PLXDC2: variants seen among roughly 807,000 people sequenced by gnomAD.
The protein encoded by PLXDC2 is plexin domain containing 2.
In PLXDC2, 40 loss-of-function variants were observed where a neutral mutation model predicts 68.9. That is an observed-to-expected ratio of 0.58 (90% confidence interval 0.45 to 0.76). The LOEUF is 0.76. PLXDC2 is among the 30% of genes least tolerant of loss of function. The pLI is 0.00. For synonymous variants in PLXDC2, 243 were observed against 234.2 expected (o/e 1.04, Z -0.34); for missense variants, 644 against 661.9 (o/e 0.97, Z 0.30).
chr10:20,270,994 GTGAGAAAA>G (rs1835932832), intron 13 of PLXDC2, among the ~76,000 whole-genome samples: 1 of 151,836 alleles, frequency 6.6e-6, no homozygotes, highest in Non-Finnish European at 1.5e-5. Context: ...AAACAATCAG[GTGAGAAAA>G]TATGGAACTA....
intron 2 of PLXDC2, among the ~76,000 whole-genome samples, chr10:20,011,326 A>T (rs1401632676): frequency 2.6e-5 from 4 of 152,134 alleles, no homozygotes; most frequent in Non-Finnish European, 5.9e-5. Flanking sequence ...GCACCCACAG[A>T]GGGACGGTAC....
intron 1 of PLXDC2, among the ~76,000 whole-genome samples, chr10:19,937,117 T>C (rs954884385): frequency 6.6e-6 from 1 of 152,204 alleles, no homozygotes; most frequent in Non-Finnish European, 1.5e-5. Context: ...TATCCTGATT[T>C]CCTTTGATCC....
intron 1 of PLXDC2, among the ~76,000 whole-genome samples, chr10:19,828,358 T>A (rs1836614764): frequency 6.6e-6 from 1 of 152,166 alleles, no homozygotes; most frequent in African/African-American, 2.4e-5. Context: ...GACAATAGAA[T>A]TTATTATTTT....
rs569622643 is a variant in PLXDC2 at position 20,152,946 on chromosome 10, T to C, written c.783+5044T>C. Among the ~76,000 whole-genome samples, 89 of 152,310 alleles carry C rather than the reference T, an allele frequency of 5.8e-4. 1 individual carries two copies. The highest frequency in any genetic ancestry group is 2.7e-3 in the Admixed American group (42 of 15,290). On this transcript the variant is annotated intron_variant, in intron 6 of 13. Coordinates refer to ENST00000377252, the MANE Select transcript of PLXDC2 (RefSeq NM_032812.9). Reference sequence around the variant, plus strand: ...GGTACAGAACAGATAACTTTAATACTGTACAGCTAAGCCCCTTCAAAGTTG... The same window carrying C: ...GGTACAGAACAGATAACTTTAATACCGTACAGCTAAGCCCCTTCAAAGTTG...
At chr10:19,896,586 C>G (rs1466921627) in intron 1 of PLXDC2, among the ~76,000 whole-genome samples, 1 of 152,202 alleles carries the variant, frequency 6.6e-6, no homozygotes, top group Non-Finnish European at 1.5e-5. Context: ...ACTCCTGTCA[C>G]TCACTTTGCT....
At chr10:19,860,660 A>G (rs1224727768) in intron 1 of PLXDC2, among the ~76,000 whole-genome samples, 2 of 152,148 alleles carry the variant, frequency 1.3e-5, no homozygotes, top group Admixed American at 6.5e-5. Context: ...ATAAATATCT[A>G]CTATACCCAG....
intron 1 of PLXDC2, among the ~76,000 whole-genome samples, chr10:19,847,929 A>G (rs532814053): frequency 6.6e-6 from 1 of 152,306 alleles, no homozygotes; most frequent in African/African-American, 2.4e-5. Context: ...GCCTAACCAT[A>G]GAACTATTCA....
At chr10:20,140,504 G>T (rs557597838) in intron 4 of PLXDC2, among the ~76,000 whole-genome samples, 5 of 151,634 alleles carry the variant, frequency 3.3e-5, no homozygotes, top group Non-Finnish European at 7.4e-5. Context: ...GTCTAATGGG[G>T]TGTTGGTATC....
chr10:20,258,781 G>A (rs1835774705), intron 13 of PLXDC2, among the ~76,000 whole-genome samples: 2 of 152,084 alleles, frequency 1.3e-5, no homozygotes, highest in African/African-American at 2.4e-5. Flanking sequence ...GCCGAGGAGT[G>A]CGAATCACGA....
Position 19,967,549 on chromosome 10 carries a change from A to G in PLXDC2, c.113-34226A>G, listed in dbSNP as rs537066863. 5.9e-5 allele frequency among the ~76,000 whole-genome samples: 9 copies of G among 152,302 alleles called. No individual in the cohort carries two copies. In the East Asian group the frequency reaches 1.5e-3, roughly 26 times the overall value. ...AGAATAAACATACTAAGAGAAAACA[A>G]TTATAATAATAAGTATAATAATAAA... is the stretch of plus-strand genomic sequence containing the variant. On this transcript the variant is annotated intron_variant, in intron 1 of 13. Coordinates refer to ENST00000377252, the MANE Select transcript of PLXDC2 (RefSeq NM_032812.9).
intron 4 of PLXDC2, among the ~76,000 whole-genome samples, chr10:20,089,095 G>C (rs1385006697): frequency 1.3e-5 from 2 of 151,752 alleles, no homozygotes; most frequent in Non-Finnish European, 2.9e-5. Flanking sequence ...GAACTACTTA[G>C]AGTCAAAATA....
intron 4 of PLXDC2, among the ~76,000 whole-genome samples, chr10:20,115,342 T>A (rs545209385): frequency 8.4e-4 from 128 of 152,310 alleles, no homozygotes; most frequent in African/African-American, 3.0e-3. Flanking sequence ...GCACCTAAGC[T>A]GACCCCTTAT....
rs1318917513 is a variant in PLXDC2 at position 19,893,564 on chromosome 10, T to C, written c.112+76373T>C. 3.9e-5 allele frequency among the ~76,000 whole-genome samples: 6 copies of C among 152,330 alleles called. No individual in the cohort carries two copies. In the East Asian group the frequency reaches 9.6e-4, roughly 24 times the overall value. On this transcript the variant is annotated intron_variant, in intron 1 of 13. Transcript: ENST00000377252. ...TCCACCTGATAACTTTGGGGCTTGA[T>C]TTAAATCAGGTGGAAGCTCTGTGCA...
intron 13 of PLXDC2, among the ~76,000 whole-genome samples, chr10:20,277,421 A>G (rs1836023296): frequency 6.6e-6 from 1 of 152,130 alleles, no homozygotes. Context: ...TTTAAAAATT[A>G]TGATCTTCTC....
intron 1 of PLXDC2, among the ~76,000 whole-genome samples, chr10:19,823,049 G>GT (rs1371611911): frequency 2.1e-4 from 32 of 151,898 alleles, no homozygotes; most frequent in African/African-American, 5.8e-4. Flanking sequence ...CCAAGTAGCT[G>GT]GGACTACAGG....
chr10:19,953,309 G>A (rs1331374740), intron 1 of PLXDC2, among the ~76,000 whole-genome samples: 1 of 152,162 alleles, frequency 6.6e-6, no homozygotes, highest in East Asian at 1.9e-4. Context: ...GAATAGGGAC[G>A]TGGAATGAAG....
At chr10:20,068,031 G>T in intron 3 of PLXDC2, 139 bp from the exon 4 acceptor site, 1 of 642,780 alleles carries the variant, frequency 1.6e-6, no homozygotes. Flanking sequence ...TACGACCGAG[G>T]ACTCAGGTTT....
chr10:20,094,051 T>C (rs1367689348), intron 4 of PLXDC2, among the ~76,000 whole-genome samples: 1 of 152,188 alleles, frequency 6.6e-6, no homozygotes, highest in African/African-American at 2.4e-5. Flanking sequence ...TTGGAAACAG[T>C]ACAAATGGCT....
At chr10:20,133,765 TTC>T (rs1024147987) in intron 4 of PLXDC2, among the ~76,000 whole-genome samples, 1 of 152,178 alleles carries the variant, frequency 6.6e-6, no homozygotes, top group African/African-American at 2.4e-5. Context: ...TTGGGAAGTT[TTC>T]TGTTATTGTT....
Sources: gnomAD v4.1 joint callset for allele counts (sites outside exome capture counted in the v4.1 genomes callset) on GRCh38, gnomAD v4.1.1 for gene constraint, MANE v1.5 for transcripts, NCBI Gene and HGNC (gene_info 2026-07-23, HGNC 2026-07-21) for gene names.